KCTD1: variants seen among roughly 807,000 people sequenced by gnomAD.
The protein encoded by KCTD1 is potassium channel tetramerization domain containing 1.
Under a neutral mutation model 66.0 loss-of-function variants are expected in KCTD1, and 24 were observed. The observed-to-expected ratio is 0.36, with a 90% CI of 0.26 to 0.51. KCTD1 has a LOEUF of 0.51. Ranked by LOEUF, KCTD1 falls within the 20% of genes least tolerant of loss-of-function variation. The probability of loss-of-function intolerance (pLI) is 0.95; values close to 1 mark genes in which losing one functional copy is unlikely to be tolerated. For synonymous variants in KCTD1, 511 were observed against 517.2 expected (o/e 0.99, Z 0.16); for missense variants, 943 against 1,205.2 (o/e 0.78, Z 3.22).
chr18:26,627,248 C>A, intron 1 of KCTD1, among the ~76,000 whole-genome samples: 1 of 142,268 alleles, frequency 7.0e-6, no homozygotes, highest in Middle Eastern at 3.3e-3. Context: ...GTCTTTGAGA[C>A]AATCTTCTGG....
At chr18:26,554,077 A>G (rs1292384388) in intron 1 of KCTD1, among the ~76,000 whole-genome samples, 1 of 137,090 alleles carries the variant, frequency 7.3e-6, no homozygotes, top group East Asian at 2.9e-4. Context: ...AAGAATCTTC[A>G]ATAATTCAGA....
rs1980290390 is a variant in KCTD1 at position 26,459,568 on chromosome 18, G to T, written c.2439+52C>A. 5.3e-6 allele frequency: 8 copies of T among 1,510,382 alleles called. No individual in the cohort carries two copies. In the East Asian group the frequency reaches 1.8e-4, roughly 35 times the overall value. The allele number at this position is 1,510,382 out of a possible 1,614,324, so 93.6% of individuals were successfully genotyped here. On this transcript the variant is annotated intron_variant, in intron 4 of 4. Coordinates refer to ENST00000580059, the MANE Select transcript of KCTD1 (RefSeq NM_001142730.3). ...GCACCATGTGAGGGCAAGGTTAAGT[G>T]ACAACAGTAAGAGTGGCATTTGATG...
chr18:26,525,406 A>T (rs1567980145), intron 1 of KCTD1, among the ~76,000 whole-genome samples: 1 of 152,204 alleles, frequency 6.6e-6, no homozygotes, highest in Non-Finnish European at 1.5e-5. Flanking sequence ...ACCTTTTGTG[A>T]GCCAATATTC....
chr18:26,468,107 C>CGT lies in KCTD1; in HGVS notation c.2134-8184_2134-8183dup, dbSNP rs143589404. ...CTTGGTGTGCTGAGAGTTGCAACCA[C>CGT]GTGTGTGTGTGTGCCTATGCATGCG... On this transcript the variant is annotated intron_variant, in intron 3 of 4. Coordinates refer to ENST00000580059, the MANE Select transcript of KCTD1 (RefSeq NM_001142730.3). This position sits in a 1 kb window ranked among gnomAD's most constrained non-coding sequence, Gnocchi z 4.8. 3.3e-5 allele frequency among the ~76,000 whole-genome samples: 5 copies of CGT among 152,152 alleles called. No individual in the cohort carries two copies. Among genetic ancestry groups the CGT allele is most frequent in the Admixed American group, 1.3e-4 (2 of 15,292 alleles).
chr18:26,556,261 G>A (rs1985704391), intron 1 of KCTD1, among the ~76,000 whole-genome samples: 1 of 152,154 alleles, frequency 6.6e-6, no homozygotes, highest in Non-Finnish European at 1.5e-5. Context: ...CAGAGAAGCA[G>A]GAAACATTGT....
chr18:26,548,668 A>G (rs1173487307), upstream of KCTD1: 5 of 923,648 alleles, frequency 5.4e-6, no homozygotes, highest in Non-Finnish European at 6.6e-6. Context: ...CCGCGCTCCA[A>G]TTGTCATTCC....
intron 1 of KCTD1, among the ~76,000 whole-genome samples, chr18:26,623,263 C>T (rs912239098): frequency 6.6e-6 from 1 of 152,208 alleles, no homozygotes; most frequent in Non-Finnish European, 1.5e-5. Context: ...CAGAATCTTC[C>T]ATGGCTTCCT....
chr18:26,495,400 G>A (rs540318028), intron 2 of KCTD1, among the ~76,000 whole-genome samples: 1 of 152,242 alleles, frequency 6.6e-6, no homozygotes, highest in African/African-American at 2.4e-5. Context: ...AAGCAATCCG[G>A]TAATGGCTAA....
At position 26,547,928 on chromosome 18, in the gene KCTD1, C is replaced by A. The variant is rs1408761461; in HGVS notation, c.609G>T (p.Ala203=). 1 of 1,543,618 alleles carries A rather than the reference C, an allele frequency of 6.5e-7. No homozygotes were observed. Among genetic ancestry groups the A allele is most frequent in the Non-Finnish European group, 8.7e-7 (1 of 1,146,808 alleles). Residue 203 remains alanine (A), a synonymous_variant, in exon 1 of 5, where the codon GCG becomes GCT. Transcript: ENST00000580059. ...AGAAGGAGCGCAGCACGCGGCACAGCGCCCCCTTGTCCATGGTCTCGAAGT... is the reference window on the plus strand; with the variant it reads ...AGAAGGAGCGCAGCACGCGGCACAGAGCCCCCTTGTCCATGGTCTCGAAGT... ...SPDFETMDKG[A]LCRVLRSFYA... is the part of the protein sequence containing the mutation.
intron 1 of KCTD1, among the ~76,000 whole-genome samples, chr18:26,615,652 C>T (rs561557296): frequency 3.9e-5 from 6 of 152,280 alleles, no homozygotes; most frequent in African/African-American, 1.4e-4. Flanking sequence ...CATTCTACCC[C>T]GTTCTGATTA....
Position 26,571,929 on chromosome 18 carries a change from T to G in KCTD1, c.-16+57218A>C, listed in dbSNP as rs757866585. Among the ~76,000 whole-genome samples the G allele has an allele frequency of 4.3e-4, 65 of 152,308 alleles. 1 individual carries two copies. The highest frequency in any genetic ancestry group is 7.5e-4 in the Non-Finnish European group (51 of 68,028). On this transcript the variant is annotated intron_variant, in intron 1 of 4. Transcript: ENST00000317932. ...GGTGTAGAAGTCAAGAAGAACAAAT[T>G]AACCCATTGAGTGAATTTATTCTGT...
chr18:26,473,789 C>T (rs1311183170), intron 3 of KCTD1, among the ~76,000 whole-genome samples: 3 of 152,170 alleles, frequency 2.0e-5, no homozygotes, highest in Admixed American at 1.3e-4. Flanking sequence ...CTGGGAGCAG[C>T]GGGCTCCTGT....
At position 26,459,852 on chromosome 18, in the gene KCTD1, T is replaced by G; in HGVS notation, c.2207A>C (p.Lys736Thr). ...QPMLLEMERW[K>T]QDRETGRFSR... ...AAATCGACCAGTTTCTCTGTCCTGC[T>G]TCCATCTTTCCATCTCCAACAACAT... The change falls in exon 4 of 5, where the codon AAG (lysine) becomes ACG (threonine). Residue 736 changes from lysine (K) to threonine (T), a missense_variant. Lys to Thr is a moderately conservative substitution (Grantham distance 78). Coordinates refer to ENST00000580059, the MANE Select transcript of KCTD1 (RefSeq NM_001142730.3). 2 of 1,613,548 alleles carry G rather than the reference T, an allele frequency of 1.2e-6. No individual in the cohort carries two copies. The highest frequency in any genetic ancestry group is 1.7e-6 in the Non-Finnish European group (2 of 1,179,548).
At chr18:26,646,652 A>G (rs1217356340) in intron 1 of KCTD1, among the ~76,000 whole-genome samples, 2 of 152,350 alleles carry the variant, frequency 1.3e-5, no homozygotes, top group Non-Finnish European at 2.9e-5. Context: ...CATGTTTTCA[A>G]AAGTAAAATT....
upstream of KCTD1, chr18:26,548,609 G>C: frequency 8.5e-6 from 10 of 1,181,896 alleles, no homozygotes; most frequent in Non-Finnish European, 2.1e-6. Flanking sequence ...GAGCTTTTGT[G>C]TTTAATGACC....
chr18:26,465,967 G>A (rs1269899109), intron 3 of KCTD1, among the ~76,000 whole-genome samples: 1 of 152,158 alleles, frequency 6.6e-6, no homozygotes, highest in Non-Finnish European at 1.5e-5. Flanking sequence ...CCGTGGTCTG[G>A]GGCATGTCCT....
Position 26,574,079 on chromosome 18 carries a change from G to A in KCTD1, c.-16+55068C>T, listed in dbSNP as rs543490965. Among the ~76,000 whole-genome samples the A allele has an allele frequency of 2.0e-5, 3 of 152,280 alleles. No individual in the cohort carries two copies. In the East Asian group the frequency reaches 5.8e-4, roughly 29 times the overall value. On this transcript the variant is annotated intron_variant, in intron 1 of 4. Coordinates refer to the KCTD1 transcript ENST00000317932. The stretch of plus-strand genomic sequence containing the variant: ...CAGGTCCAGGGACCCTCTCACTAGT[G>A]CTGGTCAGATCCCTCTTTCCACTAT...
chr18:26,628,710 G>A (rs1987555539), intron 1 of KCTD1, among the ~76,000 whole-genome samples: 1 of 152,062 alleles, frequency 6.6e-6, no homozygotes, highest in South Asian at 2.1e-4. Flanking sequence ...TAGGCTGAGA[G>A]ACAGCATTAG....
intron 4 of KCTD1, chr18:26,457,858 C>T (rs1043626537): frequency 3.9e-5 from 6 of 152,144 alleles, no homozygotes; most frequent in East Asian, 3.9e-4. Context: ...CATATGACCA[C>T]GTTAATCCAG....
Sources: allele counts gnomAD v4.1 joint callset (sites outside exome capture counted in the v4.1 genomes callset), GRCh38; gene constraint gnomAD v4.1.1; non-coding constraint Gnocchi (gnomAD v3.1); transcripts MANE v1.5; gene names NCBI Gene and HGNC (gene_info 2026-07-23, HGNC 2026-07-21).